The following RIC8B variants were observed in gnomAD, a reference collection of about 807,000 sequenced individuals.
The protein encoded by RIC8B is RIC8 guanine nucleotide exchange factor B.
In RIC8B, 16 loss-of-function variants were observed where a neutral mutation model predicts 57.5. That is an observed-to-expected ratio of 0.28 (90% confidence interval 0.19 to 0.42). The LOEUF (loss-of-function observed/expected upper bound fraction) is 0.42, where lower values mean the gene tolerates loss of function less well. RIC8B is among the 10% of genes least tolerant of loss of function. The pLI, the probability that RIC8B is intolerant of heterozygous loss-of-function variation, is 1.00. For synonymous variants in RIC8B, 216 were observed against 250.8 expected, an observed-to-expected ratio of 0.86 and a Z score of 1.31; for missense variants, 481 against 677.0, an observed-to-expected ratio of 0.71 and a Z score of 3.21.
At chr12:106,858,214 G>T (rs917116447) in intron 7 of RIC8B, among the ~76,000 whole-genome samples, 1 of 151,808 alleles carries the variant, frequency 6.6e-6, no homozygotes, top group Non-Finnish European at 1.5e-5. Flanking sequence ...TTGTTATTTT[G>T]TCTTTAAGTA....
chr12:106,877,837 A>G (rs1950737492), intron 9 of RIC8B, among the ~76,000 whole-genome samples: 1 of 152,116 alleles, frequency 6.6e-6, no homozygotes, highest in African/African-American at 2.4e-5. Flanking sequence ...TAAGCTCACC[A>G]GCCATCATTA....
intron 4 of RIC8B, among the ~76,000 whole-genome samples, chr12:106,832,961 T>G (rs1486269817): frequency 1.3e-5 from 2 of 152,190 alleles, no homozygotes; most frequent in East Asian, 3.9e-4. Flanking sequence ...TTGGGCTTTA[T>G]CCCTTCAATA....
At chr12:106,800,464 C>G (rs1475874139) in intron 2 of RIC8B, among the ~76,000 whole-genome samples, 2 of 152,146 alleles carry the variant, frequency 1.3e-5, no homozygotes, top group Admixed American at 1.3e-4. Context: ...TCACCTCCCA[C>G]CATGTAATTC....
chr12:106,827,229 A>G (rs1280813857), intron 4 of RIC8B, among the ~76,000 whole-genome samples: 1 of 152,236 alleles, frequency 6.6e-6, no homozygotes, highest in Non-Finnish European at 1.5e-5. Context: ...TACAATAACA[A>G]GAGTTCTGAC....
chr12:106,813,276 C>T (rs190626769), intron 2 of RIC8B, among the ~76,000 whole-genome samples: 20 of 150,392 alleles, frequency 1.3e-4, no homozygotes, highest in African/African-American at 3.9e-4. Flanking sequence ...CTGCAACCTC[C>T]GACTCCCTGG....
At chr12:106,807,224 A>G (rs925418667) in intron 2 of RIC8B, among the ~76,000 whole-genome samples, 4 of 152,260 alleles carry the variant, frequency 2.6e-5, no homozygotes, top group African/African-American at 9.6e-5. Flanking sequence ...ATGGGATACC[A>G]TATTTCAAAG....
chr12:106,834,613 G>T (rs1676819037), intron 4 of RIC8B, among the ~76,000 whole-genome samples: 1 of 151,964 alleles, frequency 6.6e-6, no homozygotes, highest in South Asian at 2.1e-4. Flanking sequence ...TCAGGTCTGG[G>T]TACCAATGTC....
At chr12:106,810,603 C>T (rs1415236535) in intron 2 of RIC8B, among the ~76,000 whole-genome samples, 1 of 151,858 alleles carries the variant, frequency 6.6e-6, no homozygotes, top group African/African-American at 2.4e-5. Flanking sequence ...TCGAGAATTG[C>T]TAAAACTTAA....
At chr12:106,852,334 T>C (rs1409169129) in intron 7 of RIC8B, among the ~76,000 whole-genome samples, 1 of 152,226 alleles carries the variant, frequency 6.6e-6, no homozygotes, top group South Asian at 2.1e-4. Flanking sequence ...TAAAATCCCA[T>C]CTAAGCAGAT....
At chr12:106,776,996 T>G (rs1332312318) in intron 1 of RIC8B, among the ~76,000 whole-genome samples, 3 of 152,184 alleles carry the variant, frequency 2.0e-5, no homozygotes, top group African/African-American at 7.2e-5. Context: ...TAGCTGAGAC[T>G]ACAGGTGCGT....
chr12:106,780,591 C>A (rs1259288295), intron 1 of RIC8B, among the ~76,000 whole-genome samples: 1 of 152,196 alleles, frequency 6.6e-6, no homozygotes, highest in Non-Finnish European at 1.5e-5. Flanking sequence ...TGGGTTCTTG[C>A]AGAGAAGCAT....
chr12:106,798,476 C>G (rs892630668), intron 2 of RIC8B, among the ~76,000 whole-genome samples: 2 of 152,158 alleles, frequency 1.3e-5, no homozygotes, highest in Admixed American at 6.5e-5. Flanking sequence ...AGGGCCTATC[C>G]TCAGATAGCT....
At chr12:106,823,539 G>A in intron 3 of RIC8B, 2 of 441,206 alleles carry the variant, frequency 4.5e-6, no homozygotes, top group Non-Finnish European at 9.1e-6. Flanking sequence ...CATGAAAAGA[G>A]AAAGATTATT....
intron 6 of RIC8B, among the ~76,000 whole-genome samples, chr12:106,844,714 T>C (rs777285119): frequency 6.6e-6 from 1 of 152,248 alleles, no homozygotes; most frequent in Non-Finnish European, 1.5e-5. Context: ...AGATAACTGA[T>C]GTTGCATGTT....
chr12:106,784,076 T>C, intron 2 of RIC8B, 32 bp downstream of exon 2: 1 of 1,574,534 alleles, frequency 6.4e-7, no homozygotes, highest in Non-Finnish European at 8.7e-7. Flanking sequence ...TGAATGTTTA[T>C]GTGTGTGTGT....
chr12:106,814,691 T>A lies in RIC8B; in HGVS notation c.133-5T>A. Reference sequence around the variant, plus strand: ...GATTTTTGCATACTCGTTCTTGTTTTTCAGAAACTCTGTGAAGGCATATTT... The same window carrying A: ...GATTTTTGCATACTCGTTCTTGTTTATCAGAAACTCTGTGAAGGCATATTT... On this transcript the variant is annotated splice_polypyrimidine_tract_variant and splice_region_variant and intron_variant, in intron 2 of 9. Coordinates refer to ENST00000392837, the MANE Select transcript of RIC8B (RefSeq NM_001330145.2). 1 of 1,572,908 alleles carries A rather than the reference T, an allele frequency of 6.4e-7. No homozygotes were observed. Among genetic ancestry groups the A allele is most frequent in the Admixed American group, 1.9e-5 (1 of 51,988 alleles).
At position 106,879,971 on chromosome 12, in the gene RIC8B, A is replaced by G. The variant is rs1443608601; in HGVS notation, c.1572-5933A>G. 5 of 984,418 alleles carry G rather than the reference A, an allele frequency of 5.1e-6. No individual in the cohort carries two copies. In the African/African-American group the frequency reaches 7.0e-5, roughly 14 times the overall value. The allele number at this position is 984,418 out of a possible 1,614,324, so 61.0% of individuals were successfully genotyped here. On this transcript the variant is annotated intron_variant, in intron 9 of 9. Transcript: ENST00000392837. The surrounding 1 kb of genome is among the most constrained non-coding windows in gnomAD (Gnocchi z 4.9). The stretch of plus-strand genomic sequence containing the variant: ...AGGTAAGTATGAAGGAGTTGTTGCT[A>G]TGTGAATATCTTAATCCTGATACAC...
chr12:106,829,047 G>T (rs1254401549), intron 4 of RIC8B, among the ~76,000 whole-genome samples: 1 of 152,180 alleles, frequency 6.6e-6, no homozygotes, highest in South Asian at 2.1e-4. Context: ...AGAGGACATG[G>T]ACATAGAGAT....
intron 4 of RIC8B, among the ~76,000 whole-genome samples, chr12:106,834,755 A>G (rs1345782852): frequency 1.3e-5 from 2 of 152,068 alleles, no homozygotes; most frequent in East Asian, 1.9e-4. Flanking sequence ...AGGCCGAGGC[A>G]GGCAGATCAC....
Sources: allele counts gnomAD v4.1 joint callset (sites outside exome capture counted in the v4.1 genomes callset), GRCh38; gene constraint gnomAD v4.1.1; non-coding constraint Gnocchi (gnomAD v3.1); transcripts MANE v1.5; gene names NCBI Gene and HGNC (gene_info 2026-07-23, HGNC 2026-07-21).